The following PCDHGB4 variants were observed in gnomAD, a reference collection of about 807,000 sequenced individuals.
PCDHGB4 encodes the protein protocadherin gamma-B4.
Under a neutral mutation model 60.5 loss-of-function variants are expected in PCDHGB4, and 38 were observed. The observed-to-expected ratio is 0.63, with a 90% CI of 0.48 to 0.82. PCDHGB4 has a LOEUF of 0.82. Among genes scored for constraint, PCDHGB4 ranks in the 40% least tolerant of loss-of-function variants. The pLI, the probability that PCDHGB4 is intolerant of heterozygous loss-of-function variation, is 0.00. For missense variants in PCDHGB4, 1,109 were observed against 1,209.6 expected, an observed-to-expected ratio of 0.92 and a Z score of 1.23; for synonymous variants, 456 against 509.7, an observed-to-expected ratio of 0.89 and a Z score of 1.42.
chr5:141,510,223 G>C (rs944276162), intron 3 of PCDHGB4, among the ~76,000 whole-genome samples: 1 of 151,302 alleles, frequency 6.6e-6, no homozygotes, highest in African/African-American at 2.4e-5. Context: ...CAGTGAGCCG[G>C]GATCGCGCCA....
intron 1 of PCDHGB4, among the ~76,000 whole-genome samples, chr5:141,425,605 A>G (rs1229246680): frequency 6.6e-6 from 1 of 152,230 alleles, no homozygotes; most frequent in Non-Finnish European, 1.5e-5. Context: ...TGCCCTATAT[A>G]GCTTTCAGTG....
In PCDHGB4 at chr5:141,491,893, G is replaced by A; in HGVS notation, c.2398-2914G>A. The stretch of plus-strand genomic sequence containing the variant: ...GGCCGATTAAGGGATGGGGCTCCGA[G>A]CACCGGGGGTGGTGGCGACTGTGGG... On this transcript the variant is annotated intron_variant, in intron 1 of 3. Transcript: ENST00000519479. This position sits in a 1 kb window ranked among gnomAD's most constrained non-coding sequence, Gnocchi z 6.9. 9 of 1,438,856 alleles carry A rather than the reference G, an allele frequency of 6.3e-6. No individual in the cohort carries two copies. Among genetic ancestry groups the A allele is most frequent in the Non-Finnish European group, 8.3e-6 (9 of 1,088,104 alleles). 89.1% of individuals were successfully genotyped at this position (1,438,856 alleles called of 1,614,324 possible). A position where few individuals can be genotyped will look rare whatever the true frequency, so the allele number is the denominator to read the frequency against.
At chr5:141,404,524 G>GTTT in intron 1 of PCDHGB4, 7 of 1,613,938 alleles carry the variant, frequency 4.3e-6, no homozygotes, top group Non-Finnish European at 5.9e-6. Context: ...ACTATGAGCA[G>GTTT]TTTAGAGATT....
chr5:141,399,660 C>A lies in PCDHGB4; in HGVS notation c.2397+9379C>A, dbSNP rs988885728. 11 of 1,613,536 alleles carry A rather than the reference C, an allele frequency of 6.8e-6. No individual in the cohort carries two copies. The highest frequency in any genetic ancestry group is 9.3e-6 in the Non-Finnish European group (11 of 1,179,888). ...TGAGCGCGCAAAGTGGGGTGGTGTT[C>A]GCGCAGCGCGCCTTTGACTACGAGC... is the stretch of plus-strand genomic sequence containing the variant. On this transcript the variant is annotated intron_variant, in intron 1 of 3. Coordinates refer to ENST00000519479, the MANE Select transcript of PCDHGB4 (RefSeq NM_003736.4).
chr5:141,462,388 C>T (rs529638718), intron 1 of PCDHGB4, among the ~76,000 whole-genome samples: 86 of 152,204 alleles, frequency 5.7e-4, no homozygotes, highest in Non-Finnish European at 9.4e-4. Context: ...AATTCGTTAA[C>T]ATTTCTTTTA....
chr5:141,497,740 C>T (rs954595046), intron 2 of PCDHGB4, among the ~76,000 whole-genome samples: 1 of 152,054 alleles, frequency 6.6e-6, no homozygotes, highest in South Asian at 2.1e-4. Context: ...GGTTTCGCCA[C>T]GTTGGCCAGG....
In PCDHGB4 at chr5:141,389,699, C is replaced by T; in HGVS notation, c.1815C>T (p.His605=). The stretch of plus-strand genomic sequence containing the variant: ...GACACAACGCCTGGCTGTCCTACCA[C>T]GTGCTGCAGGCTAGCGAGCCCGGGC... The part of the protein sequence containing the change: ...DSGHNAWLSY[H]VLQASEPGLF... The change falls in exon 1 of 4, where the codon CAC becomes CAT. Residue 605 remains histidine (H), a synonymous_variant. Coordinates refer to ENST00000519479, the MANE Select transcript of PCDHGB4 (RefSeq NM_003736.4). The T allele has an allele frequency of 1.2e-6, 2 of 1,612,646 alleles. No individual in the cohort carries two copies. The highest frequency in any genetic ancestry group is 1.7e-6 in the Non-Finnish European group (2 of 1,179,794).
intron 1 of PCDHGB4, among the ~76,000 whole-genome samples, chr5:141,475,097 T>C (rs180692931): frequency 6.6e-6 from 1 of 152,370 alleles, no homozygotes; most frequent in East Asian, 1.9e-4. Context: ...TTTATAAAGA[T>C]CCTAGGTGGT....
intron 1 of PCDHGB4, among the ~76,000 whole-genome samples, chr5:141,463,726 A>G (rs6888081): frequency 0.29 from 44,573 of 151,836 alleles, 7,596 homozygotes; most frequent in African/African-American, 0.48. Flanking sequence ...GATTACAGGC[A>G]TGAGCCACCG....
At position 141,458,567 on chromosome 5, in the gene PCDHGB4, T is replaced by TTTTG. The variant is rs144471304; in HGVS notation, c.2398-36224_2398-36221dup. Among the ~76,000 whole-genome samples the TTTTG allele has an allele frequency of 8.6e-5, 13 of 151,610 alleles. No individual in the cohort carries two copies. The East Asian group carries it at 1.5e-3, about 18-fold the overall frequency. On this transcript the variant is annotated intron_variant, in intron 1 of 3. Coordinates refer to ENST00000519479, the MANE Select transcript of PCDHGB4 (RefSeq NM_003736.4). ...TTGTTTGTTTGTTTTGGTTTTGGGT[T>TTTTG]TTTGTTTGTTTGTTTGTTTTGGAGA...
intron 1 of PCDHGB4, chr5:141,404,577 T>C (rs2094542300): frequency 6.2e-7 from 1 of 1,613,954 alleles, no homozygotes; most frequent in South Asian, 1.1e-5. Context: ...AGCCCACCAC[T>C]TAGCAGCAAT....
Position 141,476,035 on chromosome 5 carries a change from C to A in PCDHGB4, c.2398-18772C>A. On this transcript the variant is annotated intron_variant, in intron 1 of 3. Coordinates refer to ENST00000519479, the MANE Select transcript of PCDHGB4 (RefSeq NM_003736.4). This position sits in a 1 kb window ranked among gnomAD's most constrained non-coding sequence, Gnocchi z 7.6. ...CATGTCGGACTCGGCGCCCAGCGCCCAAGCGCTAACCCGCTGAAAGTTTCT... is the reference window on the plus strand; with the variant it reads ...CATGTCGGACTCGGCGCCCAGCGCCAAAGCGCTAACCCGCTGAAAGTTTCT... The A allele has an allele frequency of 1.4e-6, 2 of 1,466,592 alleles. No individual in the cohort carries two copies. The highest frequency in any genetic ancestry group is 1.8e-6 in the Non-Finnish European group (2 of 1,102,494). 90.8% of individuals were successfully genotyped at this position (1,466,592 alleles called of 1,614,324 possible). A position where few individuals can be genotyped will look rare whatever the true frequency, so the allele number is the denominator to read the frequency against.
chr5:141,400,144 G>A, intron 1 of PCDHGB4: 1 of 1,614,068 alleles, frequency 6.2e-7, no homozygotes, highest in Non-Finnish European at 8.5e-7. Context: ...GGATATCACT[G>A]ACCGCCCTGT....
Position 141,432,076 on chromosome 5 carries a change from G to T in PCDHGB4, c.2397+41795G>T. ...CCCTATCCACGGAAACTCATATCTC[G>T]CTGAACGTGGCAGACACCAACGACA... On this transcript the variant is annotated intron_variant, in intron 1 of 3. Transcript: ENST00000519479. This position sits in a 1 kb window ranked among gnomAD's most constrained non-coding sequence, Gnocchi z 6.0. 1.2e-6 allele frequency: 2 copies of T among 1,614,160 alleles called. No homozygotes were observed. Among genetic ancestry groups the T allele is most frequent in the Non-Finnish European group, 1.7e-6 (2 of 1,180,024 alleles).
chr5:141,478,307 G>T, intron 1 of PCDHGB4: 3 of 1,614,056 alleles, frequency 1.9e-6, no homozygotes, highest in Non-Finnish European at 2.5e-6. Context: ...CCGAGCCCCG[G>T]TGAGCTCACT....
At chr5:141,423,619 T>C (rs1389600826) in intron 1 of PCDHGB4, 1 of 1,608,090 alleles carries the variant, frequency 6.2e-7, no homozygotes. Context: ...AGCTGAAGAC[T>C]CAGCTATCAT....
rs767892593 is a variant in PCDHGB4, at chr5:141,400,152, T to C, written c.2397+9871T>C. 8 of 1,614,064 alleles carry C rather than the reference T, an allele frequency of 5.0e-6. 1 individual carries two copies. In the South Asian group the frequency reaches 6.6e-5, roughly 13 times the overall value. Reference sequence around the variant, plus strand: ...TGCTGCCGGATATCACTGACCGCCCTGTACCCTCTGACCCCCAGGCTGAGC... The same window carrying C: ...TGCTGCCGGATATCACTGACCGCCCCGTACCCTCTGACCCCCAGGCTGAGC... On this transcript the variant is annotated intron_variant, in intron 1 of 3. Transcript: ENST00000519479.
intron 1 of PCDHGB4, among the ~76,000 whole-genome samples, chr5:141,455,204 T>G (rs1173402170): frequency 6.6e-6 from 1 of 152,052 alleles, no homozygotes; most frequent in Admixed American, 6.6e-5. Context: ...TTACAACCAA[T>G]AAGAGTTTTT....
Position 141,405,226 on chromosome 5 carries a change from C to A in PCDHGB4, c.2397+14945C>A, listed in dbSNP as rs756970325. ...TACAGACCTATTCTCAGGAGTTCTCCCTCACCGCTGACTCAAGGAAGAGTC... is the reference window on the plus strand; with the variant it reads ...TACAGACCTATTCTCAGGAGTTCTCACTCACCGCTGACTCAAGGAAGAGTC... On this transcript the variant is annotated intron_variant, in intron 1 of 3. Coordinates refer to ENST00000519479, the MANE Select transcript of PCDHGB4 (RefSeq NM_003736.4). 3.1e-6 allele frequency: 5 copies of A among 1,614,052 alleles called. No individual in the cohort carries two copies. The East Asian group carries it at 1.1e-4, about 36-fold the overall frequency.
Sources: gnomAD v4.1 joint callset for allele counts (sites outside exome capture counted in the v4.1 genomes callset) on GRCh38, gnomAD v4.1.1 for gene constraint, Gnocchi (gnomAD v3.1) non-coding constraint, MANE v1.5 for transcripts, NCBI Gene and HGNC (gene_info 2026-07-23, HGNC 2026-07-21) for gene names.